RPSA2: variants seen among roughly 807,000 people sequenced by gnomAD.
RPSA2 encodes small ribosomal subunit protein uS2B.
chr19:23,776,252 T>C, the RPSA2 span, among the ~76,000 whole-genome samples: 1 of 152,182 alleles, frequency 6.6e-6, no homozygotes, highest in African/African-American at 2.4e-5. Context: ...TGTCTGGATT[T>C]AACCCACAGA....
At chr19:23,776,264 G>T in the RPSA2 span, among the ~76,000 whole-genome samples, 1 of 152,162 alleles carries the variant, frequency 6.6e-6, no homozygotes, top group Non-Finnish European at 1.5e-5. Context: ...ACCCACAGAT[G>T]AATCGTGACA....
chr19:23,834,123 T>TAA, the RPSA2 span, among the ~76,000 whole-genome samples: 1 of 152,192 alleles, frequency 6.6e-6, no homozygotes, highest in Admixed American at 6.5e-5. Flanking sequence ...GTTTAGACAC[T>TAA]ACTGTAAATC....
chr19:23,806,737 A>T, the RPSA2 span, among the ~76,000 whole-genome samples: 2 of 145,248 alleles, frequency 1.4e-5, no homozygotes, highest in African/African-American at 2.5e-5. Flanking sequence ...GTGAGCCAAG[A>T]TCGCACCATT....
the RPSA2 span, chr19:23,758,995 A>C: frequency 1.8e-6 from 1 of 570,016 alleles, no homozygotes; most frequent in Non-Finnish European, 3.1e-6. Context: ...TTAAAACCCC[A>C]CCCCTCAGGT....
the RPSA2 span, among the ~76,000 whole-genome samples, chr19:23,826,193 CT>C: frequency 6.7e-6 from 1 of 149,366 alleles, no homozygotes; most frequent in African/African-American, 2.5e-5. Context: ...TTCTTTTTTT[CT>C]TTTTTCTTTT....
the RPSA2 span, among the ~76,000 whole-genome samples, chr19:23,775,798 A>T: frequency 6.6e-6 from 1 of 152,228 alleles, no homozygotes; most frequent in South Asian, 2.1e-4. Flanking sequence ...TCATTCAGTG[A>T]TTCAATTCAT....
At chr19:23,828,725 G>C in the RPSA2 span, among the ~76,000 whole-genome samples, 1 of 151,830 alleles carries the variant, frequency 6.6e-6, no homozygotes, top group Non-Finnish European at 1.5e-5. Context: ...TGTGTATTCT[G>C]ATGTTGTTGA....
the RPSA2 span, among the ~76,000 whole-genome samples, chr19:23,856,297 CG>C: frequency 6.6e-6 from 1 of 152,222 alleles, no homozygotes; most frequent in East Asian, 1.9e-4. Context: ...TACACCAACA[CG>C]ATCCCATAGT....
the RPSA2 span, among the ~76,000 whole-genome samples, chr19:23,867,602 G>A: frequency 9.9e-5 from 15 of 152,070 alleles, no homozygotes; most frequent in Non-Finnish European, 2.1e-4. Context: ...AGGCAGAGGC[G>A]GGTGGATCAT....
the RPSA2 span, among the ~76,000 whole-genome samples, chr19:23,864,151 T>A: frequency 6.6e-6 from 1 of 152,312 alleles, no homozygotes; most frequent in Admixed American, 6.5e-5. Context: ...CTATCTCACA[T>A]TCTGAGCAAG....
chr19:23,809,103 T>C, the RPSA2 span: 1 of 156,332 alleles, frequency 6.4e-6, no homozygotes, highest in African/African-American at 2.4e-5. Context: ...TTCTTGTTTT[T>C]GTGGACAGAG....
the RPSA2 span, among the ~76,000 whole-genome samples, chr19:23,798,335 T>C: frequency 6.6e-6 from 1 of 152,322 alleles, no homozygotes; most frequent in African/African-American, 2.4e-5. Context: ...GTACTTACAC[T>C]ACAAAAGCAA....
At chr19:23,837,054 G>A in the RPSA2 span, among the ~76,000 whole-genome samples, 28 of 152,056 alleles carry the variant, frequency 1.8e-4, no homozygotes, top group African/African-American at 5.1e-4. Context: ...TGAAATTTTG[G>A]CCAACCAATG....
the RPSA2 span, among the ~76,000 whole-genome samples, chr19:23,847,930 TGTGGCTCTTTTTGCCTGACCCC>T: frequency 6.6e-6 from 1 of 152,266 alleles, no homozygotes; most frequent in Admixed American, 6.5e-5. Context: ...AGAAGAAAAA[TGTGGCTCTTTTTGCCTGACCCC>T]GCAGGCAGTC....
At chr19:23,787,843 A>G in the RPSA2 span, among the ~76,000 whole-genome samples, 148,993 of 152,322 alleles carry the variant, frequency 0.98, 72,961 homozygotes, top group Middle Eastern at 1. Context: ...ACCTGCCTAC[A>G]TAATACGTTG....
At chr19:23,785,218 T>A in the RPSA2 span, among the ~76,000 whole-genome samples, 1 of 152,206 alleles carries the variant, frequency 6.6e-6, no homozygotes, top group Non-Finnish European at 1.5e-5. Context: ...TCTTTTTTTC[T>A]TGCCTTGGTG....
chr19:23,829,438 A>G, the RPSA2 span, among the ~76,000 whole-genome samples: 1 of 152,142 alleles, frequency 6.6e-6, no homozygotes, highest in African/African-American at 2.4e-5. Context: ...AGTAGCTGAG[A>G]TTACAGGCAG....
the RPSA2 span, among the ~76,000 whole-genome samples, chr19:23,772,332 G>T: frequency 6.6e-6 from 1 of 152,124 alleles, no homozygotes; most frequent in Non-Finnish European, 1.5e-5. Flanking sequence ...CCTAGGTGAT[G>T]TGACACTGCT....
At chr19:23,863,992 G>C in the RPSA2 span, among the ~76,000 whole-genome samples, 1 of 152,164 alleles carries the variant, frequency 6.6e-6, no homozygotes, top group Admixed American at 6.5e-5. Context: ...AAGAAAAGGA[G>C]CAAAATCAAT....
Sources: allele counts gnomAD v4.1 joint callset (sites outside exome capture counted in the v4.1 genomes callset), GRCh38; gene constraint gnomAD v4.1.1; transcripts MANE v1.5; gene names NCBI Gene and HGNC (gene_info 2026-07-23, HGNC 2026-07-21).